The following ESM1 variants were observed in gnomAD, a reference collection of about 807,000 sequenced individuals.
ESM1 encodes endothelial cell-specific molecule 1.
In ESM1, 7 loss-of-function variants were observed where a neutral mutation model predicts 14.9. The ratio of observed to expected loss-of-function variants is 0.47; its 90% CI spans 0.27 to 0.88. The LOEUF (loss-of-function observed/expected upper bound fraction) is 0.88. ESM1 is among the 40% of genes least tolerant of loss of function. ESM1 has a pLI of 0.14. For synonymous variants in ESM1, 89 were observed against 89.4 expected (o/e 1.00, Z 0.02); for missense variants, 192 against 237.9 (o/e 0.81, Z 1.27).
intron 1 of ESM1, among the ~76,000 whole-genome samples, 167 bp from the exon 2 acceptor site, chr5:54,982,313 C>T (rs1235882608): frequency 6.6e-6 from 1 of 152,128 alleles, no homozygotes; most frequent in African/African-American, 2.4e-5. Context: ...AACTTTGAGT[C>T]ATAAATATGA....
rs1473501175 is a variant in ESM1, at chr5:54,978,837, A to G, written c.*495T>C. The stretch of plus-strand genomic sequence containing the variant: ...TGACTTTTCCCAAAGCCAAAAAAAA[A>G]AAAAAAAGCACAATTAAATTCTAGA... On this transcript the variant is annotated 3_prime_UTR_variant, in exon 3 of 3. Transcript: ENST00000381405. The G allele has an allele frequency of 2.0e-5, 3 of 152,290 alleles. No homozygotes were observed. The highest frequency in any genetic ancestry group is 4.4e-5 in the Non-Finnish European group (3 of 67,976). 9.4% of individuals were successfully genotyped at this position (152,290 alleles called of 1,614,324 possible).
intron 1 of ESM1, 122 bp from the exon 2 acceptor site, chr5:54,982,268 A>C (rs1170969645): frequency 1.1e-6 from 1 of 886,486 alleles, no homozygotes; most frequent in African/African-American, 1.7e-5. Context: ...TGTAAAGTAA[A>C]ATCCAATTCT....
intron 1 of ESM1, among the ~76,000 whole-genome samples, chr5:54,983,839 C>T (rs1426971214): frequency 6.6e-6 from 1 of 152,178 alleles, no homozygotes; most frequent in Non-Finnish European, 1.5e-5. Context: ...AAAAGCAATC[C>T]ACTGCATATA....
In ESM1 at chr5:54,985,527, C is replaced by G; in HGVS notation, c.-10G>C. ...GCAAGACGCTCTTCATGTTTCCCAG[C>G]TGCCTCCGGCTCGGCTCTCCAGTCG... is the stretch of plus-strand genomic sequence containing the variant. On this transcript the variant is annotated 5_prime_UTR_variant, in exon 1 of 3. Coordinates refer to ENST00000381405, the MANE Select transcript of ESM1 (RefSeq NM_007036.5). The G allele has an allele frequency of 1.3e-6, 2 of 1,579,912 alleles. No individual in the cohort carries two copies. The highest frequency in any genetic ancestry group is 1.7e-6 in the Non-Finnish European group (2 of 1,158,590).
chr5:54,982,176 G>A (rs755758596), intron 1 of ESM1, 30 bp from the exon 2 acceptor site: 26 of 1,609,360 alleles, frequency 1.6e-5, no homozygotes, highest in South Asian at 2.2e-5. Flanking sequence ...TGGAGAGGAC[G>A]CTGCTTGTTG....
At chr5:54,982,900 C>A (rs1049896070) in intron 1 of ESM1, among the ~76,000 whole-genome samples, 2 of 152,162 alleles carry the variant, frequency 1.3e-5, no homozygotes, top group Non-Finnish European at 1.5e-5. Flanking sequence ...TATGCCAAAA[C>A]ATCCTACATT....
At chr5:54,980,276 G>T (rs2269225) in intron 2 of ESM1, among the ~76,000 whole-genome samples, 15 of 152,026 alleles carry the variant, frequency 9.9e-5, no homozygotes, top group Non-Finnish European at 1.9e-4. Context: ...AGTTGGAGAA[G>T]ACAAGCTCGT....
At chr5:54,982,973 G>A (rs1425691364) in intron 1 of ESM1, among the ~76,000 whole-genome samples, 1 of 152,012 alleles carries the variant, frequency 6.6e-6, no homozygotes, top group Non-Finnish European at 1.5e-5. Flanking sequence ...GCTGTTTTTA[G>A]GATAAACAGC....
At position 54,979,157 on chromosome 5, in the gene ESM1, A is replaced by G. The variant is rs1294674644; in HGVS notation, c.*175T>C. 1.7e-6 allele frequency: 1 copy of G among 588,160 alleles called. No individual in the cohort carries two copies. Among genetic ancestry groups the G allele is most frequent in the Non-Finnish European group, 3.1e-6 (1 of 327,544 alleles). 36.4% of individuals were successfully genotyped at this position (588,160 alleles called of 1,614,324 possible). On this transcript the variant is annotated 3_prime_UTR_variant, in exon 3 of 3. Coordinates refer to ENST00000381405, the MANE Select transcript of ESM1 (RefSeq NM_007036.5). ...CAAACACATACAAGTGTTCAGTCAT[A>G]TGGATGTTATGGATTGTAAGTATCC...
rs562388782 is a variant in ESM1, at chr5:54,977,953, C to T, written c.*1379G>A. The T allele has an allele frequency of 6.6e-6, 1 of 152,264 alleles. No individual in the cohort carries two copies. Among genetic ancestry groups the T allele is most frequent in the East Asian group, 1.9e-4 (1 of 5,180 alleles). The allele number at this position is 152,264 out of a possible 1,614,324, so 9.4% of individuals were successfully genotyped here. A position where few individuals can be genotyped will look rare whatever the true frequency, so the allele number is the denominator to read the frequency against. On this transcript the variant is annotated 3_prime_UTR_variant, in exon 3 of 3. Transcript: ENST00000381405. ...GCTTATGCAGCTTTACATTCAAAGG[C>T]CTTCCCACACACATTCACAACTCTG...
Position 54,979,218 on chromosome 5 carries a change from T to C in ESM1, c.*114A>G. The stretch of plus-strand genomic sequence containing the variant: ...TTTCTGGATCCACCATGCATCACAT[T>C]TGGTCTTCAAAAATTACATGTCCTT... On this transcript the variant is annotated 3_prime_UTR_variant, in exon 3 of 3. Coordinates refer to ENST00000381405, the MANE Select transcript of ESM1 (RefSeq NM_007036.5). 2.7e-6 allele frequency: 2 copies of C among 749,688 alleles called. No homozygotes were observed. Among genetic ancestry groups the C allele is most frequent in the Non-Finnish European group, 4.7e-6 (2 of 426,974 alleles). The allele number at this position is 749,688 out of a possible 1,614,324, so 46.4% of individuals were successfully genotyped here. A position where few individuals can be genotyped will look rare whatever the true frequency, so the allele number is the denominator to read the frequency against.
intron 2 of ESM1, among the ~76,000 whole-genome samples, chr5:54,979,704 C>T (rs1470439189): frequency 6.6e-6 from 1 of 152,138 alleles, no homozygotes; most frequent in Non-Finnish European, 1.5e-5. Flanking sequence ...TTCACTCCAC[C>T]ACTAGAATTC....
rs1341348488 is a variant in ESM1 at position 54,978,519 on chromosome 5, C to T, written c.*813G>A. 6.6e-6 allele frequency: 1 copy of T among 152,032 alleles called. No individual in the cohort carries two copies. The highest frequency in any genetic ancestry group is 2.4e-5 in the African/African-American group (1 of 41,398). The allele number at this position is 152,032 out of a possible 1,614,324, so 9.4% of individuals were successfully genotyped here. A position where few individuals can be genotyped will look rare whatever the true frequency, so the allele number is the denominator to read the frequency against. On this transcript the variant is annotated 3_prime_UTR_variant, in exon 3 of 3. Transcript: ENST00000381405. ...TGATAAATATGGGTAGGGAAGATGA[C>T]TTGCACTAACACATTTATTTATAAA...
intron 1 of ESM1, among the ~76,000 whole-genome samples, chr5:54,984,510 C>G (rs369180917): frequency 2.6e-5 from 4 of 152,274 alleles, no homozygotes; most frequent in African/African-American, 4.8e-5. Context: ...CGAAGTTTTT[C>G]TTTAAGTGTA....
intron 1 of ESM1, 124 bp downstream of exon 1, chr5:54,985,093 C>T (rs1740508251): frequency 2.4e-6 from 2 of 818,322 alleles, no homozygotes; most frequent in Non-Finnish European, 4.0e-6. Flanking sequence ...CTGTGTGGTG[C>T]CTTGTCAAGA....
At chr5:54,985,160 C>G (rs1740509316) in intron 1 of ESM1, 57 bp downstream of exon 1, 2 of 1,498,490 alleles carry the variant, frequency 1.3e-6, no homozygotes, top group African/African-American at 1.4e-5. Flanking sequence ...ACCTCCCAAG[C>G]TGGCTAAAAG....
chr5:54,980,769 T>C (rs1744037166), intron 2 of ESM1, among the ~76,000 whole-genome samples: 1 of 152,226 alleles, frequency 6.6e-6, no homozygotes, highest in African/African-American at 2.4e-5. Context: ...AAAAGCACGA[T>C]ATTTCCGCTT....
Position 54,985,198 on chromosome 5 carries a change from GTAA to G in ESM1, c.301+16_301+18del. On this transcript the variant is annotated intron_variant, in intron 1 of 2. Transcript: ENST00000381405. The stretch of plus-strand genomic sequence containing the variant: ...CTCAGCATGCCCCGGGAGGGGAGAG[GTAA>G]GGGGTCACTCTTTACCTTTGCAGAT... The G allele has an allele frequency of 6.3e-7, 1 of 1,580,550 alleles. No homozygotes were observed. Among genetic ancestry groups the G allele is most frequent in the Non-Finnish European group, 8.6e-7 (1 of 1,157,570 alleles).
chr5:54,979,290 A>G lies in ESM1; in HGVS notation c.*42T>C, dbSNP rs1744003349. 1 of 1,408,402 alleles carries G rather than the reference A, an allele frequency of 7.1e-7. No individual in the cohort carries two copies. The highest frequency in any genetic ancestry group is 1.0e-6 in the Non-Finnish European group (1 of 993,550). The allele number at this position is 1,408,402 out of a possible 1,614,324, so 87.2% of individuals were successfully genotyped here. On this transcript the variant is annotated 3_prime_UTR_variant, in exon 3 of 3. Transcript: ENST00000381405. ...CTAAAATGTTGGCTGTGTGTTGAAC[A>G]ATCACGAAAATAGAGCCTTCTCTCA...
Sources: allele counts gnomAD v4.1 joint callset (sites outside exome capture counted in the v4.1 genomes callset), GRCh38; gene constraint gnomAD v4.1.1; transcripts MANE v1.5; gene names NCBI Gene and HGNC (gene_info 2026-07-23, HGNC 2026-07-21).